CD82: variants seen among roughly 807,000 people sequenced by gnomAD.
CD82 encodes the protein CD82 molecule, also known as CD82 antigen.
In CD82, 36 loss-of-function variants were observed where a neutral mutation model predicts 37.4. That is an observed-to-expected ratio of 0.96 (90% CI 0.74 to 1.27). CD82 has a LOEUF of 1.27. Among genes scored for constraint, CD82 ranks in the 50% most tolerant of loss-of-function variants. CD82 has a pLI of 0.00. For missense variants in CD82, 340 were observed against 347.0 expected (o/e 0.98, Z 0.16); for synonymous variants, 158 against 137.4 (o/e 1.15, Z -1.05).
At chr11:44,596,924 A>G (rs899485375) in intron 3 of CD82, 2 of 456,196 alleles carry the variant, frequency 4.4e-6, no homozygotes, top group South Asian at 1.5e-5. Flanking sequence ...CTAGGAACAG[A>G]TAGGCTCTTC....
Position 44,605,077 on chromosome 11 carries a change from T to G in CD82, c.156T>G (p.Leu52=). The G allele has an allele frequency of 6.2e-7, 1 of 1,614,182 alleles. No individual in the cohort carries two copies. The highest frequency in any genetic ancestry group is 1.3e-5 in the African/African-American group (1 of 75,050). ...CCCTAGAAACCTCCTCCAGCTCGCT[T>G]AGGATGGGGGCCTATGTCTTCATCG... ...ISVLQTSSSS[L]RMGAYVFIGV... Residue 52 remains leucine, a synonymous_variant, in exon 5 of 10, where the codon CTT becomes CTG. Coordinates refer to ENST00000227155, the MANE Select transcript of CD82 (RefSeq NM_002231.4).
chr11:44,590,125 G>A (rs551859487), intron 2 of CD82, among the ~76,000 whole-genome samples: 4 of 150,704 alleles, frequency 2.7e-5, no homozygotes, highest in South Asian at 2.1e-4. Context: ...GAGCCACCGC[G>A]CCTGGCGACC....
At chr11:44,610,659 C>G (rs996920776) in intron 6 of CD82, among the ~76,000 whole-genome samples, 1 of 152,016 alleles carries the variant, frequency 6.6e-6, no homozygotes, top group Non-Finnish European at 1.5e-5. Context: ...AAGGTCTGGT[C>G]ATGTCTCTGC....
chr11:44,618,762 C>T lies in CD82; in HGVS notation c.726+39C>T, dbSNP rs746917689. Reference sequence around the variant, plus strand: ...CCCCCATCCCTTCTCCATCCCAGGTCCTCCTGGGTTGTCTCTGTTCTGCTG... The same window carrying T: ...CCCCCATCCCTTCTCCATCCCAGGTTCTCCTGGGTTGTCTCTGTTCTGCTG... On this transcript the variant is annotated intron_variant, in intron 9 of 9. Transcript: ENST00000227155. The T allele has an allele frequency of 4.6e-6, 7 of 1,534,552 alleles. No homozygotes were observed. The East Asian group carries it at 1.6e-4, about 35-fold the overall frequency.
chr11:44,603,132 T>C (rs1349733305), intron 4 of CD82, among the ~76,000 whole-genome samples: 2 of 152,134 alleles, frequency 1.3e-5, no homozygotes, highest in Non-Finnish European at 2.9e-5. Context: ...AAAAGTGGAA[T>C]TGACAGCCTC....
chr11:44,585,812 T>C (rs1853046149), intron 1 of CD82, among the ~76,000 whole-genome samples: 2 of 152,236 alleles, frequency 1.3e-5, no homozygotes, highest in African/African-American at 2.4e-5. Flanking sequence ...CCAAGCTGCC[T>C]GTGCCACCTG....
chr11:44,618,477 C>A, intron 8 of CD82, 112 bp downstream of exon 8: 1 of 1,075,452 alleles, frequency 9.3e-7, no homozygotes, highest in South Asian at 1.3e-5. Context: ...ATTCATCTGT[C>A]ATTTGTACCT....
chr11:44,583,471 C>T (rs1178596135), intron 1 of CD82, among the ~76,000 whole-genome samples: 1 of 152,202 alleles, frequency 6.6e-6, no homozygotes, highest in Non-Finnish European at 1.5e-5. Flanking sequence ...GGTGGAGCTG[C>T]TCTTTTCCTT....
At chr11:44,609,692 C>T (rs1176944041) in intron 6 of CD82, among the ~76,000 whole-genome samples, 2 of 152,226 alleles carry the variant, frequency 1.3e-5, no homozygotes, top group Non-Finnish European at 2.9e-5. Flanking sequence ...GAACTGTCTG[C>T]TTGCTGAATT....
In CD82 at chr11:44,618,699, G is replaced by A. The variant is rs780823917; in HGVS notation, c.702G>A (p.Val234=). The A allele has an allele frequency of 1.7e-5, 28 of 1,613,218 alleles. No individual in the cohort carries two copies. Among genetic ancestry groups the A allele is most frequent in the Non-Finnish European group, 2.3e-5 (27 of 1,179,746 alleles). The change falls in exon 9 of 10, where the codon GTG becomes GTA. Residue 234 remains valine, a synonymous_variant. Coordinates refer to ENST00000227155, the MANE Select transcript of CD82 (RefSeq NM_002231.4). ...AGAACCTGGGCATCATCCTCGGCGT[G>A]GGCGTGGGTGTGGCCATCATCGAGG... is the stretch of plus-strand genomic sequence containing the variant. ...LQENLGIILG[V]GVGVAIIELL... is the part of the protein sequence containing the mutation.
rs569694493 is a variant in CD82, at chr11:44,614,221, G to C, written c.337-1051G>C. ...CCATATAGTTGATACCGAAGTTCCA[G>C]GTCCCTCAGTCTTGGGGCCCCCTCC... On this transcript the variant is annotated intron_variant, in intron 6 of 9. Transcript: ENST00000227155. Among the ~76,000 whole-genome samples the C allele has an allele frequency of 1.2e-4, 19 of 152,282 alleles. No individual in the cohort carries two copies. In the East Asian group the frequency reaches 3.3e-3, roughly 26 times the overall value.
chr11:44,585,982 G>A (rs188431175), intron 1 of CD82, among the ~76,000 whole-genome samples: 12 of 152,208 alleles, frequency 7.9e-5, no homozygotes, highest in East Asian at 3.9e-4. Context: ...ACACTTTTTC[G>A]GATGCCAGAG....
chr11:44,591,277 T>C (rs1853141856), intron 2 of CD82, among the ~76,000 whole-genome samples: 1 of 152,170 alleles, frequency 6.6e-6, no homozygotes, highest in African/African-American at 2.4e-5. Context: ...GTCCTCCTAC[T>C]TGAGACCTTG....
intron 2 of CD82, among the ~76,000 whole-genome samples, chr11:44,592,026 C>A (rs1853152452): frequency 6.6e-6 from 1 of 152,056 alleles, no homozygotes; most frequent in African/African-American, 2.4e-5. Context: ...ACCATGTTGG[C>A]CAGGCTGGTC....
At chr11:44,602,779 G>C (rs1853326493) in intron 4 of CD82, among the ~76,000 whole-genome samples, 1 of 152,124 alleles carries the variant, frequency 6.6e-6, no homozygotes, top group Admixed American at 6.5e-5. Context: ...CTGGGATCCT[G>C]GGGGGAGACA....
intron 2 of CD82, among the ~76,000 whole-genome samples, chr11:44,588,328 A>G (rs1853090624): frequency 6.6e-6 from 1 of 151,734 alleles, no homozygotes; most frequent in African/African-American, 2.4e-5. Flanking sequence ...GGTTCAAGCA[A>G]TTCCTCTTCC....
intron 1 of CD82, among the ~76,000 whole-genome samples, chr11:44,579,619 G>A (rs576851786): frequency 2.9e-4 from 44 of 152,240 alleles, no homozygotes; most frequent in Middle Eastern, 6.8e-3. Flanking sequence ...AGAGGCCCAG[G>A]GAGCCCTGGG....
intron 3 of CD82, among the ~76,000 whole-genome samples, chr11:44,596,596 C>G (rs1344344910): frequency 6.6e-6 from 1 of 152,168 alleles, no homozygotes; most frequent in African/African-American, 2.4e-5. Context: ...GGCTTGGCCT[C>G]CTTTTGGCTC....
At position 44,619,156 on chromosome 11, in the gene CD82, G is replaced by A. The variant is rs765960487; in HGVS notation, c.*30G>A. On this transcript the variant is annotated 3_prime_UTR_variant, in exon 10 of 10. Coordinates refer to ENST00000227155, the MANE Select transcript of CD82 (RefSeq NM_002231.4). ...GCTGCTATCCCCATCTCCCTGCCTG[G>A]CCCCCAACCTCAGGGCTCCCAGGGG... The A allele has an allele frequency of 5.1e-6, 8 of 1,575,372 alleles. No homozygotes were observed. The East Asian group carries it at 9.0e-5, about 18-fold the overall frequency.
Sources: gnomAD v4.1 joint callset for allele counts (sites outside exome capture counted in the v4.1 genomes callset) on GRCh38, gnomAD v4.1.1 for gene constraint, MANE v1.5 for transcripts, NCBI Gene and HGNC (gene_info 2026-07-23, HGNC 2026-07-21) for gene names.